Variants in SPAG9 observed in about 807,000 individuals in gnomAD.
SPAG9 encodes sperm associated antigen 9, also known as C-Jun-amino-terminal kinase-interacting protein 4.
A neutral mutation model predicts 166.5 loss-of-function variants in SPAG9; 35 were observed. That is an observed-to-expected ratio of 0.21 (90% CI 0.16 to 0.28). SPAG9 has a LOEUF of 0.28. SPAG9 is among the 10% of genes least tolerant of loss of function. The pLI is 1.00. For synonymous variants in SPAG9, 534 were observed against 565.5 expected (o/e 0.94, Z 0.79); for missense variants, 1,235 against 1,603.3 (o/e 0.77, Z 3.92).
At chr17:51,048,866 T>A (rs1273185253) in intron 3 of SPAG9, among the ~76,000 whole-genome samples, 1 of 152,222 alleles carries the variant, frequency 6.6e-6, no homozygotes. Flanking sequence ...TATCTTAAAA[T>A]TTTTTAATTG....
intron 2 of SPAG9, among the ~76,000 whole-genome samples, chr17:51,072,650 C>A (rs2047855337): frequency 6.6e-6 from 1 of 151,960 alleles, no homozygotes; most frequent in Admixed American, 6.6e-5. Flanking sequence ...CGCCACTGCA[C>A]TCCAACCTGG....
intron 1 of SPAG9, among the ~76,000 whole-genome samples, chr17:51,093,669 T>G (rs1179500021): frequency 2.6e-5 from 3 of 117,438 alleles, no homozygotes; most frequent in Non-Finnish European, 4.8e-5. Flanking sequence ...CACTCCAGCC[T>G]GGGCGACAGA....
intron 2 of SPAG9, among the ~76,000 whole-genome samples, chr17:51,065,321 C>G (rs1395609724): frequency 1.3e-5 from 2 of 152,002 alleles, no homozygotes; most frequent in African/African-American, 4.8e-5. Context: ...GCACGAGCCA[C>G]CAGGCCCAGC....
chr17:51,022,968 A>C (rs1598018299), intron 6 of SPAG9, among the ~76,000 whole-genome samples: 1 of 148,586 alleles, frequency 6.7e-6, no homozygotes, highest in South Asian at 2.1e-4. Flanking sequence ...TAATAATAAT[A>C]ATAATAAATC....
intron 6 of SPAG9, chr17:51,030,913 C>G (rs1029226388): frequency 9.2e-6 from 1 of 109,252 alleles, no homozygotes; most frequent in South Asian, 2.9e-4. Flanking sequence ...ATGTAGCAGG[C>G]TTTTTTTTTT....
chr17:51,026,602 C>G (rs1471315933), intron 6 of SPAG9, among the ~76,000 whole-genome samples: 3 of 151,432 alleles, frequency 2.0e-5, no homozygotes, highest in African/African-American at 7.3e-5. Flanking sequence ...AACTAGATCC[C>G]AGAGATACAG....
intron 1 of SPAG9, among the ~76,000 whole-genome samples, chr17:51,119,856 C>T (rs1189241215): frequency 1.3e-5 from 2 of 152,144 alleles, no homozygotes; most frequent in Non-Finnish European, 2.9e-5. Flanking sequence ...AAGATTAAAA[C>T]GTCAAGAAGA....
At chr17:51,101,119 A>C (rs2048796104) in intron 1 of SPAG9, among the ~76,000 whole-genome samples, 1 of 152,002 alleles carries the variant, frequency 6.6e-6, no homozygotes, top group East Asian at 1.9e-4. Flanking sequence ...AGGCCAAGGC[A>C]GGTGGATCAC....
At chr17:51,007,685 G>C (rs1424455791) in intron 9 of SPAG9, among the ~76,000 whole-genome samples, 1 of 151,676 alleles carries the variant, frequency 6.6e-6, no homozygotes, top group Non-Finnish European at 1.5e-5. Flanking sequence ...CACTACATAG[G>C]GTAAAAAAGA....
intron 1 of SPAG9, among the ~76,000 whole-genome samples, chr17:51,083,252 T>G (rs2048217124): frequency 6.6e-6 from 1 of 151,168 alleles, no homozygotes; most frequent in African/African-American, 2.4e-5. Flanking sequence ...TTTTCTTTTT[T>G]GAGACTGAGT....
At chr17:51,012,133 A>T (rs894425837) in intron 9 of SPAG9, among the ~76,000 whole-genome samples, 16 of 152,336 alleles carry the variant, frequency 1.1e-4, no homozygotes, top group African/African-American at 3.8e-4. Context: ...AAATTCTTCT[A>T]ACATTTTTTC....
intron 6 of SPAG9, among the ~76,000 whole-genome samples, chr17:51,027,619 G>A (rs1428564400): frequency 6.6e-6 from 1 of 152,066 alleles, no homozygotes; most frequent in African/African-American, 2.4e-5. Flanking sequence ...AAAAATTCTT[G>A]TTGCCCAGTG....
intron 29 of SPAG9, among the ~76,000 whole-genome samples, chr17:50,966,826 A>C (rs1451540086): frequency 1.3e-5 from 2 of 152,238 alleles, no homozygotes; most frequent in African/African-American, 4.8e-5. Context: ...AATAACTCAC[A>C]ATTATCAATG....
chr17:51,050,235 A>T (rs1248726553), intron 3 of SPAG9, among the ~76,000 whole-genome samples: 2 of 152,350 alleles, frequency 1.3e-5, no homozygotes, highest in Non-Finnish European at 1.5e-5. Context: ...TAGCACTTTA[A>T]AGGAAAGAAC....
intron 2 of SPAG9, among the ~76,000 whole-genome samples, chr17:51,077,321 C>T (rs2048045684): frequency 6.6e-6 from 1 of 152,010 alleles, no homozygotes; most frequent in African/African-American, 2.4e-5. Flanking sequence ...CGGGGTTCTC[C>T]ATGTTGGTCA....
chr17:51,072,881 T>A lies in SPAG9; in HGVS notation c.424+6703A>T, dbSNP rs547806486. On this transcript the variant is annotated intron_variant, in intron 2 of 29. Coordinates refer to ENST00000262013, the MANE Select transcript of SPAG9 (RefSeq NM_001130528.3). ...TGATACTTAAAGATTACTTCCTACA[T>A]CACCTTTTTAAAAAATAAGAAGTTT... 9.2e-5 allele frequency among the ~76,000 whole-genome samples: 14 copies of A among 152,262 alleles called. No homozygotes were observed. The East Asian group carries it at 2.1e-3, about 23-fold the overall frequency.
chr17:51,070,072 T>TA (rs11418069), intron 2 of SPAG9, among the ~76,000 whole-genome samples: 35,565 of 135,630 alleles, frequency 0.26, 4,894 homozygotes, highest in Admixed American at 0.35. Context: ...CCTCATCTCT[T>TA]AAAAAAAAAA....
rs34733235 is a variant in SPAG9, at chr17:51,041,515, G to C, written c.727C>G (p.His243Asp). ...KFQELSQPRS[H>D]TSLKVSNSPE... ...ATAAAGCTTACCTTCAGGCTGGTAT[G>C]AGAACGTGGTTGACTTAATTCCTGA... The change falls in exon 5 of 30, where the codon CAT becomes GAT. Residue 243 changes from histidine to aspartate, a missense_variant. Physicochemically the swap from His to Asp is moderately conservative, Grantham distance 81 (BLOSUM62 -1). Transcript: ENST00000262013. The C allele has an allele frequency of 2.6e-4, 414 of 1,613,726 alleles. No individual in the cohort carries two copies. The African/African-American group carries it at 5.0e-3, about 19-fold the overall frequency.
intron 2 of SPAG9, among the ~76,000 whole-genome samples, chr17:51,076,989 G>GCTATCTAGCTATCTAT (rs1447127527): frequency 9.9e-6 from 1 of 100,734 alleles, no homozygotes; most frequent in African/African-American, 4.0e-5. Context: ...ATCTTATCTA[G>GCTATCTAGCTATCTAT]CTATCTAGCT....
Sources: allele counts gnomAD v4.1 joint callset (sites outside exome capture counted in the v4.1 genomes callset), GRCh38; gene constraint gnomAD v4.1.1; transcripts MANE v1.5; gene names NCBI Gene and HGNC (gene_info 2026-07-23, HGNC 2026-07-21).